Variants in KRT16 observed in about 807,000 individuals in gnomAD.
The protein encoded by KRT16 is keratin, type I cytoskeletal 16.
KRT16 carries 42 observed loss-of-function variants against 44.8 expected under a neutral mutation model. The ratio of observed to expected loss-of-function variants is 0.94; its 90% CI spans 0.73 to 1.21. The LOEUF (loss-of-function observed/expected upper bound fraction) is 1.21, where lower values mean the gene tolerates loss of function less well. Among genes scored for constraint, KRT16 ranks in the 50% most tolerant of loss-of-function variants. The probability of loss-of-function intolerance (pLI) is 0.00; values close to 1 mark genes in which losing one functional copy is unlikely to be tolerated. For synonymous variants in KRT16, 226 were observed against 260.4 expected (o/e 0.87, Z 1.27); for missense variants, 561 against 626.9 (o/e 0.89, Z 1.12).
rs762970825 is a variant in KRT16, at chr17:41,612,579, C to T, written c.110G>A (p.Gly37Glu). 14 of 1,594,714 alleles carry T rather than the reference C, an allele frequency of 8.8e-6. No homozygotes were observed. Among genetic ancestry groups the T allele is most frequent in the Admixed American group, 1.7e-5 (1 of 57,182 alleles). The change falls in exon 1 of 8, where the codon GGA (glycine) becomes GAA (glutamate). Residue 37 changes from glycine to glutamate, a missense_variant. Transcript: ENST00000301653. ...GGTGCTGGGGGCACGGCAGGACCCTCCGGCCAGGACGGAGGAGATGCGGCT... is the reference window on the plus strand; with the variant it reads ...GGTGCTGGGGGCACGGCAGGACCCTTCGGCCAGGACGGAGGAGATGCGGCT... ...GSSRISSVLA[G>E]GSCRAPSTYG...
At chr17:41,611,303 A>G (rs1385270505) in intron 3 of KRT16, 42 bp downstream of exon 3, 2 of 1,613,816 alleles carry the variant, frequency 1.2e-6, no homozygotes, top group East Asian at 2.2e-5. Flanking sequence ...TGGCAACCCC[A>G]CCAAACCAGC....
rs772155015 is a variant in KRT16, at chr17:41,612,171, T to C, written c.518A>G (p.Asp173Gly). 42 of 1,612,076 alleles carry C rather than the reference T, an allele frequency of 2.6e-5. No individual in the cohort carries two copies. The Admixed American group carries it at 7.0e-4, about 27-fold the overall frequency. The change falls in exon 1 of 8, where the codon GAC (aspartate) becomes GGC (glycine). Residue 173 changes from aspartate (D) to glycine (G), a missense_variant. Asp to Gly is a moderately conservative substitution (Grantham distance 94). Coordinates refer to ENST00000301653, the MANE Select transcript of KRT16 (RefSeq NM_005557.4). ...AAAGTCACCCACCTTGTTCCTCAGG[T>C]CCTCGATGGTCTTGAAGTAGGGACT... ...DYSPYFKTIE[D>G]LRNKIIAATI...
Position 41,610,486 on chromosome 17 carries a change from G to T in KRT16, c.1125C>A (p.Ile375=), listed in dbSNP as rs1484011932. 6.2e-7 allele frequency: 1 copy of T among 1,612,170 alleles called. No individual in the cohort carries two copies. The highest frequency in any genetic ancestry group is 8.5e-7 in the Non-Finnish European group (1 of 1,179,870). ...CCTCCACACTGCCAATCAGTCCCTG[G>T]ATCTGGGACAGCTGCATGCAGTAGC... is the stretch of plus-strand genomic sequence containing the variant. ...KGRYCMQLSQ[I]QGLIGSVEEQ... Residue 375 remains isoleucine (I), a synonymous_variant, in exon 6 of 8, where the codon ATC becomes ATA. Coordinates refer to ENST00000301653, the MANE Select transcript of KRT16 (RefSeq NM_005557.4).
intron 1 of KRT16, chr17:41,611,928 A>T: frequency 3.9e-6 from 3 of 777,538 alleles, no homozygotes; most frequent in Non-Finnish European, 6.6e-6. Context: ...AGGGAAGCTG[A>T]ACTTGCAGCT....
At chr17:41,612,086 C>T (rs1454886523) in intron 1 of KRT16, 72 bp downstream of exon 1, 15 of 1,574,552 alleles carry the variant, frequency 9.5e-6, no homozygotes, top group Non-Finnish European at 1.2e-5. Context: ...AGTGTAATTG[C>T]TAAAAAGAGG....
At position 41,610,479 on chromosome 17, in the gene KRT16, G is replaced by C. The variant is rs1908149872; in HGVS notation, c.1132C>G (p.Leu378Val). ...YCMQLSQIQG[L>V]IGSVEEQLAQ... ...AGCTGCTCCTCCACACTGCCAATCA[G>C]TCCCTGGATCTGGGACAGCTGCATG... The change falls in exon 6 of 8, where the codon CTG becomes GTG. Residue 378 changes from leucine to valine, a missense_variant. Physicochemically the swap from Leu to Val is conservative, Grantham distance 32. Transcript: ENST00000301653. 2.5e-6 allele frequency: 4 copies of C among 1,612,062 alleles called. No individual in the cohort carries two copies. In the Admixed American group the frequency reaches 6.7e-5, roughly 27 times the overall value.
chr17:41,611,598 C>A, intron 2 of KRT16, 41 bp downstream of exon 2: 1 of 1,607,468 alleles, frequency 6.2e-7, no homozygotes, highest in Non-Finnish European at 8.5e-7. Flanking sequence ...CACTCTTTGT[C>A]CCTTGCCCTC....
At position 41,611,650 on chromosome 17, in the gene KRT16, G is replaced by T; in HGVS notation, c.603C>A (p.Asp201Glu). 1 of 1,611,456 alleles carries T rather than the reference G, an allele frequency of 6.2e-7. No homozygotes were observed. The highest frequency in any genetic ancestry group is 8.5e-7 in the Non-Finnish European group (1 of 1,179,630). ...TGCTGGCTGCTCACTTGGTCCTGAA[G>T]TCATCGGCTGCCAGCCTGGCATTGT... The part of the protein sequence containing the change: ...QIDNARLAAD[D>E]FRTKYEHELA... The change falls in exon 2 of 8, where the codon GAC (aspartate) becomes GAA (glutamate). Residue 201 changes from aspartate to glutamate, a missense_variant. Coordinates refer to ENST00000301653, the MANE Select transcript of KRT16 (RefSeq NM_005557.4).
At position 41,612,295 on chromosome 17, in the gene KRT16, G is replaced by A. The variant is rs112109334; in HGVS notation, c.394C>T (p.Leu132=). The A allele has an allele frequency of 6.2e-7, 1 of 1,614,010 alleles. No individual in the cohort carries two copies. The highest frequency in any genetic ancestry group is 8.5e-7 in the Non-Finnish European group (1 of 1,180,046). ...TCCTCCAGAGCACGCACCTTGTCCA[G>A]GTAGGAGGCCAGGCGGTCATTGAGG... is the stretch of plus-strand genomic sequence containing the variant. The part of the protein sequence containing the change: ...QNLNDRLASY[L]DKVRALEEAN... Residue 132 remains leucine (L), a synonymous_variant, in exon 1 of 8, where the codon CTG becomes TTG. Coordinates refer to ENST00000301653, the MANE Select transcript of KRT16 (RefSeq NM_005557.4).
chr17:41,611,916 G>C (rs2144604138), intron 1 of KRT16, 195 bp from the exon 2 acceptor site: 1 of 778,110 alleles, frequency 1.3e-6, no homozygotes, highest in African/African-American at 1.7e-5. Context: ...TGGGCCCAAG[G>C]CAGGGAAGCT....
chr17:41,611,233 G>A lies in KRT16; in HGVS notation c.772-3C>T, dbSNP rs111815971. ...TGACCTCTCAGAGCAAGCATCTCCT[G>A]GGAAGGGATGGCAGGAGGCGGTCAG... On this transcript the variant is annotated splice_polypyrimidine_tract_variant and splice_region_variant and intron_variant, in intron 3 of 7. Transcript: ENST00000301653. 1.6e-4 allele frequency: 263 copies of A among 1,613,870 alleles called. 1 individual carries two copies. The highest frequency in any genetic ancestry group is 1.1e-3 in the African/African-American group (80 of 74,916).
intron 7 of KRT16, 63 bp downstream of exon 7, chr17:41,610,127 C>G: frequency 6.2e-7 from 1 of 1,603,478 alleles, no homozygotes; most frequent in Non-Finnish European, 8.5e-7. Context: ...GAGAAGGGCC[C>G]AGCCCCCACT....
At position 41,611,999 on chromosome 17, in the gene KRT16, G is replaced by C. The variant is rs1302868768; in HGVS notation, c.531+159C>G. 5.1e-6 allele frequency: 5 copies of C among 981,772 alleles called. No homozygotes were observed. In the East Asian group the frequency reaches 1.2e-4, roughly 24 times the overall value. 60.8% of individuals were successfully genotyped at this position (981,772 alleles called of 1,614,324 possible). Reference sequence around the variant, plus strand: ...GCCCCAGTCCGGGCACAGAGATACTGAAAAGGGACCCTCTGCTACCACTTC... The same window carrying C: ...GCCCCAGTCCGGGCACAGAGATACTCAAAAGGGACCCTCTGCTACCACTTC... On this transcript the variant is annotated intron_variant, in intron 1 of 7. Transcript: ENST00000301653.
Position 41,612,490 on chromosome 17 carries a change from C to T in KRT16, c.199G>A (p.Gly67Ser), listed in dbSNP as rs62066634. 6.0e-3 allele frequency: 9,583 copies of T among 1,608,212 alleles called. 34 individuals are homozygous for T. The highest frequency in any genetic ancestry group is 7.3e-3 in the Non-Finnish European group (8,618 of 1,177,428). The change falls in exon 1 of 8, where the codon GGC becomes AGC. Residue 67 changes from glycine (G) to serine (S), a missense_variant. Transcript: ENST00000301653. The part of the protein sequence containing the change: ...SSGGACGLGG[G>S]YGGGFSSSSS... ...CTGCTGCTGAAGCCACCGCCATAGC[C>T]GCCCCCCAGCCCGCAGGCTCCCCCA...
At position 41,610,106 on chromosome 17, in the gene KRT16, G is replaced by A. The variant is rs1184028106; in HGVS notation, c.1328-77C>T. ...CCAGGGCAGGGAGAAGGGAGGGCTG[G>A]GAGCTCTGAGGAGAAGGGCCCAGCC... On this transcript the variant is annotated intron_variant, in intron 7 of 7. Coordinates refer to ENST00000301653, the MANE Select transcript of KRT16 (RefSeq NM_005557.4). The A allele has an allele frequency of 4.8e-5, 77 of 1,587,964 alleles. No homozygotes were observed. The Middle Eastern group carries it at 9.5e-4, about 20-fold the overall frequency.
At position 41,611,184 on chromosome 17, in the gene KRT16, T is replaced by C. The variant is rs1216720116; in HGVS notation, c.818A>G (p.Glu273Gly). ...RGQTGGDVNVEMDAAPGVDLS... is the reference protein window; with the variant it reads ...RGQTGGDVNVGMDAAPGVDLS... ...GTCCACGCCAGGTGCAGCATCCATC[T>C]CCACGTTCACATCTCCGCCGGTCTG... Residue 273 changes from glutamate (E) to glycine (G), a missense_variant, in exon 4 of 8, where the codon GAG becomes GGG. Glu to Gly is a moderately conservative substitution (Grantham distance 98). Coordinates refer to ENST00000301653, the MANE Select transcript of KRT16 (RefSeq NM_005557.4). 8.7e-6 allele frequency: 14 copies of C among 1,613,830 alleles called. No homozygotes were observed. The highest frequency in any genetic ancestry group is 1.2e-5 in the Non-Finnish European group (14 of 1,179,866).
chr17:41,612,739 G>T lies in KRT16; in HGVS notation c.-51C>A. On this transcript the variant is annotated 5_prime_UTR_variant, in exon 1 of 8. Transcript: ENST00000301653. The stretch of plus-strand genomic sequence containing the variant: ...TGAGCAGTTGGCTGAAAGAAGGAAA[G>T]GTGCTCAGGAAGGCTGAGAGCGTGC... 1.9e-6 allele frequency: 3 copies of T among 1,545,996 alleles called. No individual in the cohort carries two copies. The highest frequency in any genetic ancestry group is 2.6e-6 in the Non-Finnish European group (3 of 1,150,224).
In KRT16 at chr17:41,610,821, T is replaced by G. The variant is rs201947780; in HGVS notation, c.1059+33A>C. ...GGGGGTGGTGGCCATTACTGGTGAC[T>G]TGGGGGCTGCTGCTGTGCTGGGTCC... On this transcript the variant is annotated intron_variant, in intron 5 of 7. Transcript: ENST00000301653. 2.9e-4 allele frequency: 468 copies of G among 1,613,040 alleles called. 3 individuals are homozygous for G. In the African/African-American group the frequency reaches 6.0e-3, roughly 21 times the overall value.
Position 41,610,378 on chromosome 17 carries a change from C to G in KRT16, c.1233G>C (p.Glu411Asp). The change falls in exon 6 of 8, where the codon GAG (glutamate) becomes GAC (aspartate). Residue 411 changes from glutamate to aspartate, a missense_variant. Coordinates refer to ENST00000301653, the MANE Select transcript of KRT16 (RefSeq NM_005557.4). Reference sequence around the variant, plus strand: ...GGCGGCGGTAGGTGGCAATCTCCTGCTCCAGCCGCGTCTTCACATCCAGCA... The same window carrying G: ...GGCGGCGGTAGGTGGCAATCTCCTGGTCCAGCCGCGTCTTCACATCCAGCA... Reference protein sequence around the residue: ...QILLDVKTRLEQEIATYRRLL... With the variant: ...QILLDVKTRLDQEIATYRRLL... 6.2e-7 allele frequency: 1 copy of G among 1,612,480 alleles called. No individual in the cohort carries two copies. Among genetic ancestry groups the G allele is most frequent in the South Asian group, 1.1e-5 (1 of 91,004 alleles).
Sources: allele counts gnomAD v4.1 joint callset, GRCh38; gene constraint gnomAD v4.1.1; transcripts MANE v1.5; gene names NCBI Gene and HGNC (gene_info 2026-07-23, HGNC 2026-07-21).